The following TTC23L variants were observed in gnomAD, a reference collection of about 807,000 sequenced individuals.
The protein encoded by TTC23L is tetratricopeptide repeat protein 23-like.
TTC23L carries 42 observed loss-of-function variants against 48.1 expected under a neutral mutation model. That is an observed-to-expected ratio of 0.87 (90% CI 0.68 to 1.13). The LOEUF (loss-of-function observed/expected upper bound fraction) is 1.13. Ranked by LOEUF, TTC23L falls within the 50% of genes most tolerant of loss-of-function variation. The pLI, the probability that TTC23L is intolerant of heterozygous loss-of-function variation, is 0.00. For missense variants in TTC23L, 391 were observed against 421.0 expected, an observed-to-expected ratio of 0.93 and a Z score of 0.62; for synonymous variants, 159 against 157.2, an observed-to-expected ratio of 1.01 and a Z score of -0.09.
downstream of TTC23L, chr5:34,899,541 A>G (rs775574888): frequency 1.3e-5 from 2 of 152,628 alleles, no homozygotes; most frequent in Non-Finnish European, 2.9e-5. Context: ...GGACTCTGGG[A>G]AAAAAAGGTC....
chr5:34,840,956 G>A (rs1362011378), intron 2 of TTC23L, among the ~76,000 whole-genome samples: 2 of 152,106 alleles, frequency 1.3e-5, no homozygotes, highest in African/African-American at 4.8e-5. Context: ...GCTGAGGCAG[G>A]AGAATAGCTG....
chr5:34,885,889 G>A (rs548503618), intron 9 of TTC23L, among the ~76,000 whole-genome samples: 54 of 152,142 alleles, frequency 3.5e-4, no homozygotes, highest in Admixed American at 2.8e-3. Context: ...TAAAGCAAAC[G>A]TGGCAAAATT....
chr5:34,842,695 G>A (rs1336791736), intron 2 of TTC23L, among the ~76,000 whole-genome samples: 1 of 152,184 alleles, frequency 6.6e-6, no homozygotes, highest in African/African-American at 2.4e-5. Context: ...CTCAGCGCTA[G>A]GGAGTGATTG....
At chr5:34,867,776 A>C (rs771468694) in intron 7 of TTC23L, 1 of 152,386 alleles carries the variant, frequency 6.6e-6, no homozygotes, top group African/African-American at 2.4e-5. Context: ...AACAGTATAC[A>C]TGAAAACAGA....
chr5:34,923,184 G>C, the TTC23L span: 2 of 1,614,126 alleles, frequency 1.2e-6, no homozygotes, highest in Non-Finnish European at 1.7e-6. Context: ...TGTGGACCAC[G>C]TGTTTACTTT....
intron 3 of TTC23L, among the ~76,000 whole-genome samples, chr5:34,848,352 C>T (rs1404703378): frequency 1.3e-5 from 2 of 152,140 alleles, no homozygotes; most frequent in African/African-American, 4.8e-5. Flanking sequence ...TTTCCCCAAC[C>T]CATCTTTAAC....
chr5:34,896,902 G>A (rs545763590), intron 10 of TTC23L, 27 bp downstream of exon 10: 4 of 698,216 alleles, frequency 5.7e-6, no homozygotes, highest in Non-Finnish European at 1.1e-5. Flanking sequence ...TGTTGTACAG[G>A]GCAGCATGTC....
At chr5:34,859,733 G>T (rs937420363) in intron 4 of TTC23L, among the ~76,000 whole-genome samples, 1 of 151,232 alleles carries the variant, frequency 6.6e-6, no homozygotes, top group Non-Finnish European at 1.5e-5. Context: ...CTGGTCTCAG[G>T]TATTTTATAC....
At chr5:34,908,751 G>C in the TTC23L span, 3 of 1,575,770 alleles carry the variant, frequency 1.9e-6, no homozygotes, top group East Asian at 2.2e-5. Context: ...ATAAATATCA[G>C]TGAATTGTCA....
chr5:34,925,062 C>G, the TTC23L span: 1 of 1,506,580 alleles, frequency 6.6e-7, no homozygotes, highest in Non-Finnish European at 8.9e-7. Flanking sequence ...GTTTTATTAC[C>G]TGTGAAACTG....
chr5:34,863,148 C>G lies in TTC23L; in HGVS notation c.536+94C>G. 1 of 1,514,242 alleles carries G rather than the reference C, an allele frequency of 6.6e-7. No individual in the cohort carries two copies. The highest frequency in any genetic ancestry group is 1.2e-5 in the South Asian group (1 of 81,316). 93.8% of individuals were successfully genotyped at this position (1,514,242 alleles called of 1,614,324 possible). ...CATACAGGAGGGTGGGAGATGGAAC[C>G]AAGGCCTTGTAGATCTGTTCCAACA... On this transcript the variant is annotated intron_variant, in intron 5 of 10. Coordinates refer to ENST00000505624, the Ensembl canonical transcript of TTC23L. The surrounding 1 kb of genome is among the most constrained non-coding windows in gnomAD (Gnocchi z 4.1).
chr5:34,925,578 A>G, the TTC23L span: 8 of 1,169,316 alleles, frequency 6.8e-6, no homozygotes, highest in African/African-American at 4.7e-5. Flanking sequence ...ATCTAATACT[A>G]TCTTACGTCT....
the TTC23L span, chr5:34,916,181 AGTT>A: frequency 6.1e-5 from 18 of 293,462 alleles, no homozygotes; most frequent in African/African-American, 2.0e-4. Context: ...CTAGTTGTTC[AGTT>A]GTTTTTTTTT....
rs1418241616 is a variant in TTC23L at position 34,897,003 on chromosome 5, T to C, written c.*97+128T>C. The C allele has an allele frequency of 1.4e-5, 7 of 496,670 alleles. No homozygotes were observed. The East Asian group carries it at 1.8e-4, about 13-fold the overall frequency. 30.8% of individuals were successfully genotyped at this position (496,670 alleles called of 1,614,324 possible). ...AGGCTCTGTAGCAGAAAGACAAAAA[T>C]CATTTAAGGAAAAAAAAAAACAAAA... is the stretch of plus-strand genomic sequence containing the variant. On this transcript the variant is annotated intron_variant, in intron 10 of 10. Coordinates refer to ENST00000505624, the Ensembl canonical transcript of TTC23L.
chr5:34,908,822 T>C, the TTC23L span: 1 of 1,612,882 alleles, frequency 6.2e-7, no homozygotes, highest in Non-Finnish European at 8.5e-7. Context: ...CCACAAAACA[T>C]ATTTGTCCAT....
At chr5:34,916,503 T>C in the TTC23L span, 1 of 152,236 alleles carries the variant, frequency 6.6e-6, no homozygotes, top group Non-Finnish European at 1.5e-5. Context: ...CAAAGATGAC[T>C]AGAATGTGAC....
chr5:34,856,203 T>A (rs2150376065), intron 4 of TTC23L, among the ~76,000 whole-genome samples: 1 of 152,212 alleles, frequency 6.6e-6, no homozygotes, highest in East Asian at 1.9e-4. Context: ...CAATAGAGAA[T>A]CCACAAGTTG....
intron 3 of TTC23L, among the ~76,000 whole-genome samples, chr5:34,848,535 G>A (rs771134817): frequency 9.9e-5 from 15 of 152,144 alleles, no homozygotes; most frequent in Non-Finnish European, 2.2e-4. Flanking sequence ...ATAGAAGTAA[G>A]TACTATGAAG....
chr5:34,879,248 T>C (rs1391628763), intron 8 of TTC23L, among the ~76,000 whole-genome samples: 2 of 152,184 alleles, frequency 1.3e-5, no homozygotes, highest in African/African-American at 4.8e-5. Context: ...ATTTGGGTTA[T>C]GGATACTCTA....
Sources: gnomAD v4.1 joint callset for allele counts (sites outside exome capture counted in the v4.1 genomes callset) on GRCh38, gnomAD v4.1.1 for gene constraint, Gnocchi (gnomAD v3.1) non-coding constraint, MANE v1.5 for transcripts, NCBI Gene and HGNC (gene_info 2026-07-23, HGNC 2026-07-21) for gene names.